Variants in KRT37 observed in about 807,000 individuals in gnomAD.
KRT37 encodes the protein keratin, type I cuticular Ha7.
KRT37 carries 38 observed loss-of-function variants against 41.9 expected under a neutral mutation model. The observed-to-expected ratio is 0.91, with a 90% confidence interval of 0.70 to 1.19. The LOEUF (loss-of-function observed/expected upper bound fraction) is 1.19, where lower values mean the gene tolerates loss of function less well. Ranked by LOEUF, KRT37 falls within the 50% of genes most tolerant of loss-of-function variation. The probability of loss-of-function intolerance (pLI) is 0.00; values close to 1 mark genes in which losing one functional copy is unlikely to be tolerated. For missense variants in KRT37, 580 were observed against 575.5 expected (o/e 1.01, Z -0.08); for synonymous variants, 252 against 243.4 (o/e 1.04, Z -0.33).
rs8071814 is a variant in KRT37, at chr17:41,420,963, G to A, written c.1265C>T (p.Thr422Met). ...DCKLPCNPCS[T>M]PASCTSCPSC... ...TGGACAAGAAGTACAGGAGGCAGGC[G>A]TGGAACAGGGATTGCAGGGGAGTCT... Residue 422 changes from threonine (T) to methionine (M), a missense_variant, in exon 7 of 7, where the codon ACG becomes ATG. Physicochemically the swap from Thr to Met is moderately conservative, Grantham distance 81. Transcript: ENST00000225550. The A allele has an allele frequency of 0.074, 119,422 of 1,612,780 alleles. 4,876 individuals carry two copies. The highest frequency in any genetic ancestry group is 0.082 in the Non-Finnish European group (96,672 of 1,178,806).
At chr17:41,423,526 T>A in intron 2 of KRT37, 2 of 481,854 alleles carry the variant, frequency 4.2e-6, no homozygotes, top group Non-Finnish European at 3.6e-6. Context: ...TGGGAGAAAG[T>A]GACATAGGTT....
chr17:41,423,991 C>A, intron 1 of KRT37, 41 bp downstream of exon 1: 1 of 1,605,012 alleles, frequency 6.2e-7, no homozygotes, highest in Non-Finnish European at 8.5e-7. Context: ...AAGGCTTCTG[C>A]CTTCTCAGAC....
At position 41,422,774 on chromosome 17, in the gene KRT37, A is replaced by C. The variant is rs758279896; in HGVS notation, c.732+4T>G. 1.3e-6 allele frequency: 2 copies of C among 1,589,354 alleles called. No individual in the cohort carries two copies. The highest frequency in any genetic ancestry group is 1.7e-6 in the Non-Finnish European group (2 of 1,163,072). Reference sequence around the variant, plus strand: ...CCCAGGAGTCTGAGCAGCCAGGGCCACACCTGCTCGTGGTTGCTCTTGAGG... The same window carrying C: ...CCCAGGAGTCTGAGCAGCCAGGGCCCCACCTGCTCGTGGTTGCTCTTGAGG... On this transcript the variant is annotated splice_donor_region_variant and intron_variant, in intron 3 of 6. Coordinates refer to ENST00000225550, the MANE Select transcript of KRT37 (RefSeq NM_003770.5).
chr17:41,421,397 T>A lies in KRT37; in HGVS notation c.1211A>T (p.Tyr404Phe). The change falls in exon 6 of 7, where the codon TAC becomes TTC. Residue 404 changes from tyrosine (Y) to phenylalanine (F), a missense_variant. By Grantham distance (22) the Tyr-to-Phe change is conservative. Transcript: ENST00000225550. ...GTCCTCGCTCTCCAGAAGGTTCCGG[T>A]ATGTGGCAATCTCGTTCTCCAACCG... ...KARLENEIATYRNLLESEDCK... is the reference protein window; with the variant it reads ...KARLENEIATFRNLLESEDCK... 1.2e-6 allele frequency: 2 copies of A among 1,614,214 alleles called. No individual in the cohort carries two copies. The highest frequency in any genetic ancestry group is 2.2e-5 in the South Asian group (2 of 91,088).
intron 5 of KRT37, 110 bp downstream of exon 5, chr17:41,421,959 C>T: frequency 6.4e-7 from 1 of 1,570,190 alleles, no homozygotes; most frequent in Non-Finnish European, 8.7e-7. Flanking sequence ...ATAGAGGACC[C>T]CAGATCTTGA....
intron 2 of KRT37, 65 bp from the exon 3 acceptor site, chr17:41,422,999 T>C (rs1443650714): frequency 6.4e-7 from 1 of 1,555,038 alleles, no homozygotes; most frequent in African/African-American, 1.4e-5. Context: ...CTGCCCTGGC[T>C]TCCTACCTCC....
At position 41,422,338 on chromosome 17, in the gene KRT37, G is replaced by T. The variant is rs779245901; in HGVS notation, c.829C>A (p.Arg277=). 1.9e-6 allele frequency: 3 copies of T among 1,614,134 alleles called. No homozygotes were observed. The highest frequency in any genetic ancestry group is 2.5e-6 in the Non-Finnish European group (3 of 1,180,018). The change falls in exon 4 of 7, where the codon CGG becomes AGG. Residue 277 remains arginine, a synonymous_variant. Coordinates refer to ENST00000225550, the MANE Select transcript of KRT37 (RefSeq NM_003770.5). ...TCCACCATGGCCTCGTACTGAGCCC[G>T]CATCTCCCCCAACACCCTGTTCAGG... ...IDLNRVLGEM[R]AQYEAMVETN...
chr17:41,421,463 C>T lies in KRT37; in HGVS notation c.1145G>A (p.Arg382Gln), dbSNP rs62066785. ...CAGCACCTGGTACTCCTGGTTCTGC[C>T]GCTCCAGGTCGGCCCGGATCTCAGA... is the stretch of plus-strand genomic sequence containing the variant. ...QLSEIRADLE[R>Q]QNQEYQVLLD... Residue 382 changes from arginine (R) to glutamine (Q), a missense_variant, in exon 6 of 7, where the codon CGG becomes CAG. Transcript: ENST00000225550. The T allele has an allele frequency of 4.2e-4, 685 of 1,614,214 alleles. 1 individual carries two copies. The African/African-American group carries it at 8.0e-3, about 19-fold the overall frequency.
rs201080088 is a variant in KRT37 at position 41,423,793 on chromosome 17, C to T, written c.544G>A (p.Ala182Thr). 201 of 1,614,104 alleles carry T rather than the reference C, an allele frequency of 1.2e-4. No individual in the cohort carries two copies. Among genetic ancestry groups the T allele is most frequent in the Non-Finnish European group, 1.5e-4 (177 of 1,180,042 alleles). Reference protein sequence around the residue: ...NARLIVQIDNAKLAADDFRIK... With the variant: ...NARLIVQIDNTKLAADDFRIK... ...CTAAAGTCATCAGCAGCCAGCTTCG[C>T]GTTGTCAATTTGTACAATCAGCCTG... The change falls in exon 2 of 7, where the codon GCG becomes ACG. Residue 182 changes from alanine (A) to threonine (T), a missense_variant. Coordinates refer to ENST00000225550, the MANE Select transcript of KRT37 (RefSeq NM_003770.5).
At chr17:41,421,344 G>A in intron 6 of KRT37, 23 bp downstream of exon 6, 1 of 1,611,058 alleles carries the variant, frequency 6.2e-7, no homozygotes, top group South Asian at 1.1e-5. Context: ...GTGTGGCTTA[G>A]GAATTGCCCA....
At position 41,422,509 on chromosome 17, in the gene KRT37, T is replaced by C. The variant is rs867552255; in HGVS notation, c.733-75A>G. 2.2e-5 allele frequency: 35 copies of C among 1,566,084 alleles called. No homozygotes were observed. The Admixed American group carries it at 3.8e-4, about 17-fold the overall frequency. On this transcript the variant is annotated intron_variant, in intron 3 of 6. Coordinates refer to ENST00000225550, the MANE Select transcript of KRT37 (RefSeq NM_003770.5). Reference sequence around the variant, plus strand: ...TGGAGCAGACAGCACCAGGACTCCGTCCCTGGCAAGCAGTAGGAGGGGAGT... The same window carrying C: ...TGGAGCAGACAGCACCAGGACTCCGCCCCTGGCAAGCAGTAGGAGGGGAGT...
intron 2 of KRT37, 133 bp downstream of exon 2, chr17:41,423,629 T>G (rs1693000362): frequency 9.8e-6 from 7 of 711,154 alleles, no homozygotes; most frequent in Non-Finnish European, 1.4e-5. Flanking sequence ...CAGGCTAATT[T>G]AAGGTGTGGA....
At position 41,422,880 on chromosome 17, in the gene KRT37, C is replaced by A; in HGVS notation, c.630G>T (p.Thr210=). 2 of 1,614,128 alleles carry A rather than the reference C, an allele frequency of 1.2e-6. No individual in the cohort carries two copies. Among genetic ancestry groups the A allele is most frequent in the Non-Finnish European group, 1.7e-6 (2 of 1,179,994 alleles). The change falls in exon 3 of 7, where the codon ACG becomes ACT. Residue 210 remains threonine (T), a synonymous_variant. Transcript: ENST00000225550. ...GGGTCGCGTCATCCAGGAGCTTCTG[C>A]GTCCCGCACTTGTCCGCCTCCACCA... ...HQLVEADKCG[T]QKLLDDATLA...
chr17:41,422,299 C>G lies in KRT37; in HGVS notation c.868G>C (p.Asp290His). The change falls in exon 4 of 7, where the codon GAT becomes CAT. Residue 290 changes from aspartate (D) to histidine (H), a missense_variant. By Grantham distance (81) the Asp-to-His change is moderately conservative. Transcript: ENST00000225550. The stretch of plus-strand genomic sequence containing the variant: ...TGGGCTTGGAACCACTGTTCCACAT[C>G]CTGGTGGTTGGTCTCCACCATGGCC... Reference protein sequence around the residue: ...YEAMVETNHQDVEQWFQAQSE... With the variant: ...YEAMVETNHQHVEQWFQAQSE... 1 of 1,614,208 alleles carries G rather than the reference C, an allele frequency of 6.2e-7. No homozygotes were observed. The highest frequency in any genetic ancestry group is 1.3e-5 in the African/African-American group (1 of 75,052).
Position 41,422,920 on chromosome 17 carries a change from C to T in KRT37, c.590G>A (p.Arg197His), listed in dbSNP as rs199801131. The change falls in exon 3 of 7, where the codon CGC becomes CAC. Residue 197 changes from arginine (R) to histidine (H), a missense_variant. Transcript: ENST00000225550. Reference protein sequence around the residue: ...DDFRIKLESERSLHQLVEADK... With the variant: ...DDFRIKLESEHSLHQLVEADK... ...CGCCTCCACCAGCTGGTGAAGGGAG[C>T]GCTCACTCTCCAGCCTTCCGTCACA... 3.2e-5 allele frequency: 51 copies of T among 1,613,376 alleles called. No homozygotes were observed. Among genetic ancestry groups the T allele is most frequent in the Admixed American group, 2.3e-4 (14 of 59,944 alleles).
intron 2 of KRT37, 127 bp from the exon 3 acceptor site, chr17:41,423,061 A>C: frequency 8.8e-7 from 1 of 1,136,334 alleles, no homozygotes; most frequent in Non-Finnish European, 1.2e-6. Context: ...CACTATTCTC[A>C]ACCCTGCAGC....
chr17:41,420,814 C>A lies in KRT37; in HGVS notation c.*64G>T, dbSNP rs2018528759. On this transcript the variant is annotated 3_prime_UTR_variant, in exon 7 of 7. Coordinates refer to ENST00000225550, the MANE Select transcript of KRT37 (RefSeq NM_003770.5). ...AGTCTAGTCTTGAAGGAAGACTGGG[C>A]AAGGTGAGGGCACTCCTGACCCCAG... is the stretch of plus-strand genomic sequence containing the variant. 1 of 1,062,648 alleles carries A rather than the reference C, an allele frequency of 9.4e-7. No individual in the cohort carries two copies. Among genetic ancestry groups the A allele is most frequent in the Non-Finnish European group, 1.4e-6 (1 of 700,292 alleles). 65.8% of individuals were successfully genotyped at this position (1,062,648 alleles called of 1,614,324 possible).
At position 41,422,406 on chromosome 17, in the gene KRT37, C is replaced by A. The variant is rs747030547; in HGVS notation, c.761G>T (p.Gly254Val). ...GTCCAGCTCGATCCGGAACTTCTCC[C>A]CCAGCTGACTCCTCAGAATCTTTAC... ...QEVKILRSQL[G>V]EKFRIELDIE... The change falls in exon 4 of 7, where the codon GGG (glycine) becomes GTG (valine). Residue 254 changes from glycine (G) to valine (V), a missense_variant. Gly to Val is a moderately radical substitution (Grantham distance 109). Transcript: ENST00000225550. 6.2e-7 allele frequency: 1 copy of A among 1,614,216 alleles called. No individual in the cohort carries two copies. Among genetic ancestry groups the A allele is most frequent in the Non-Finnish European group, 8.5e-7 (1 of 1,180,032 alleles).
chr17:41,424,393 C>A lies in KRT37; in HGVS notation c.131G>T (p.Cys44Phe). The change falls in exon 1 of 7, where the codon TGC (cysteine) becomes TTC (phenylalanine). Residue 44 changes from cysteine to phenylalanine, a missense_variant. Coordinates refer to ENST00000225550, the MANE Select transcript of KRT37 (RefSeq NM_003770.5). ...PVAEANAASM[C>F]LLANVAHANR... is the part of the protein sequence containing the mutation. The stretch of plus-strand genomic sequence containing the variant: ...GGCGTGTGCCACGTTGGCCAAGAGG[C>A]ACATGGAGGCAGCATTGGCCTCTGC... 1.2e-6 allele frequency: 2 copies of A among 1,613,782 alleles called. No individual in the cohort carries two copies. Among genetic ancestry groups the A allele is most frequent in the South Asian group, 2.2e-5 (2 of 91,080 alleles).
Sources: allele counts gnomAD v4.1 joint callset, GRCh38; gene constraint gnomAD v4.1.1; transcripts MANE v1.5; gene names NCBI Gene and HGNC (gene_info 2026-07-23, HGNC 2026-07-21).